IGBP1C: variants seen among roughly 807,000 people sequenced by gnomAD.
IGBP1C encodes IGBP1 family member C.
At chr17:58,681,023 T>G in the IGBP1C span, among the ~76,000 whole-genome samples, 8 of 152,278 alleles carry the variant, frequency 5.3e-5, no homozygotes, top group South Asian at 8.3e-4. Flanking sequence ...GGCTCACACC[T>G]GTAATCCCAG....
chr17:58,685,996 CAAA>C, the IGBP1C span, among the ~76,000 whole-genome samples: 3 of 82,650 alleles, frequency 3.6e-5, no homozygotes, highest in Admixed American at 1.7e-4. Flanking sequence ...CTCTGTCTCA[CAAA>C]AAAAAAAAAA....
the IGBP1C span, among the ~76,000 whole-genome samples, chr17:58,681,916 G>A: frequency 6.6e-6 from 1 of 152,126 alleles, no homozygotes; most frequent in Non-Finnish European, 1.5e-5. Context: ...AAAAGGTAAT[G>A]TATGTGAACT....
the IGBP1C span, among the ~76,000 whole-genome samples, chr17:58,670,252 A>G: frequency 1.9e-4 from 29 of 152,076 alleles, no homozygotes; most frequent in African/African-American, 6.8e-4. Context: ...CTGTCGAAGG[A>G]CCTGAGAGTT....
chr17:58,664,355 G>A, the IGBP1C span, among the ~76,000 whole-genome samples: 17 of 152,248 alleles, frequency 1.1e-4, no homozygotes, highest in South Asian at 3.5e-3. Context: ...TTTTTCCTAT[G>A]CTGGGAGAAC....
At chr17:58,672,802 G>A in the IGBP1C span, among the ~76,000 whole-genome samples, 1 of 151,898 alleles carries the variant, frequency 6.6e-6, no homozygotes, top group Non-Finnish European at 1.5e-5. Flanking sequence ...TGTGATCTCG[G>A]CTTACTGCAA....
At chr17:58,674,173 G>A in the IGBP1C span, among the ~76,000 whole-genome samples, 2 of 151,898 alleles carry the variant, frequency 1.3e-5, no homozygotes, top group African/African-American at 2.4e-5. Flanking sequence ...CTACTCGGGA[G>A]GCTAAGGCAG....
chr17:58,686,743 G>T, the IGBP1C span, among the ~76,000 whole-genome samples: 1 of 151,226 alleles, frequency 6.6e-6, no homozygotes, highest in Non-Finnish European at 1.5e-5. Context: ...AGGCCTTAAA[G>T]AAGCTTTATC....
chr17:58,686,861 C>CTTTTTTTT, the IGBP1C span, among the ~76,000 whole-genome samples: 2 of 71,478 alleles, frequency 2.8e-5, no homozygotes, highest in Non-Finnish European at 5.1e-5. Context: ...GAAAGGTCAC[C>CTTTTTTTT]TTTTTTTTTT....
At chr17:58,672,882 C>T in the IGBP1C span, among the ~76,000 whole-genome samples, 1 of 150,818 alleles carries the variant, frequency 6.6e-6, no homozygotes, top group Non-Finnish European at 1.5e-5. Context: ...CAGATGCGTG[C>T]CACCATGCCT....
the IGBP1C span, among the ~76,000 whole-genome samples, chr17:58,674,563 G>A: frequency 6.6e-6 from 1 of 151,280 alleles, no homozygotes; most frequent in African/African-American, 2.4e-5. Context: ...CCAGCTACTC[G>A]AGACGGAGAG....
the IGBP1C span, among the ~76,000 whole-genome samples, chr17:58,662,872 C>G: frequency 6.6e-6 from 1 of 152,128 alleles, no homozygotes; most frequent in African/African-American, 2.4e-5. Context: ...GTAATCCCAG[C>G]ACTTTGGAAG....
the IGBP1C span, among the ~76,000 whole-genome samples, chr17:58,676,393 A>C: frequency 2.0e-5 from 3 of 148,432 alleles, no homozygotes; most frequent in Non-Finnish European, 4.5e-5. Flanking sequence ...AACCAAAAAA[A>C]CAAAAAAAAA....
the IGBP1C span, among the ~76,000 whole-genome samples, chr17:58,670,627 G>T: frequency 6.6e-6 from 1 of 151,584 alleles, no homozygotes; most frequent in Non-Finnish European, 1.5e-5. Context: ...ACAAAAATTA[G>T]CTGGGTGTGG....
At chr17:58,660,753 G>C in the IGBP1C span, 17 of 781,128 alleles carry the variant, frequency 2.2e-5, no homozygotes, top group Non-Finnish European at 3.8e-5. Context: ...CCCTGATCTG[G>C]TAACACTCCA....
the IGBP1C span, among the ~76,000 whole-genome samples, chr17:58,665,997 C>A: frequency 6.7e-6 from 1 of 149,852 alleles, no homozygotes; most frequent in Non-Finnish European, 1.5e-5. Context: ...TGCAGTGAGC[C>A]GAGATTGTGC....
the IGBP1C span, among the ~76,000 whole-genome samples, chr17:58,678,853 T>TAATAAA: frequency 5.4e-5 from 8 of 146,798 alleles, no homozygotes; most frequent in South Asian, 4.3e-4. Context: ...ATAATAATAA[T>TAATAAA]AAAAGAGAAG....
the IGBP1C span, among the ~76,000 whole-genome samples, chr17:58,688,412 G>A: frequency 6.6e-6 from 1 of 152,292 alleles, no homozygotes; most frequent in Non-Finnish European, 1.5e-5. Flanking sequence ...GAGCCACAGT[G>A]TCTGGCCTAA....
At chr17:58,679,586 T>G in the IGBP1C span, 1 of 152,196 alleles carries the variant, frequency 6.6e-6, no homozygotes, top group African/African-American at 2.4e-5. Flanking sequence ...TTTCCCACAT[T>G]TGTAGAAAAC....
At chr17:58,676,881 A>T in the IGBP1C span, among the ~76,000 whole-genome samples, 1 of 152,068 alleles carries the variant, frequency 6.6e-6, no homozygotes, top group Non-Finnish European at 1.5e-5. Context: ...CTGTAATCCC[A>T]GTACTTTGGG....
Sources: allele counts gnomAD v4.1 joint callset (sites outside exome capture counted in the v4.1 genomes callset), GRCh38; gene constraint gnomAD v4.1.1; transcripts MANE v1.5; gene names NCBI Gene and HGNC (gene_info 2026-07-23, HGNC 2026-07-21).